FLI1: variants seen among roughly 807,000 people sequenced by gnomAD.
FLI1 encodes Fli-1 proto-oncogene, ETS transcription factor, also known as Friend leukemia integration 1 transcription factor.
In FLI1, 13 loss-of-function variants were observed where a neutral mutation model predicts 53.1. The observed-to-expected ratio is 0.24, with a 90% confidence interval of 0.16 to 0.39. FLI1 has a LOEUF of 0.39. Ranked by LOEUF, FLI1 falls within the 10% of genes least tolerant of loss-of-function variation. The pLI, the probability that FLI1 is intolerant of heterozygous loss-of-function variation, is 1.00. For missense variants in FLI1, 424 were observed against 600.5 expected, an observed-to-expected ratio of 0.71 and a Z score of 3.07; for synonymous variants, 244 against 236.7, an observed-to-expected ratio of 1.03 and a Z score of -0.28.
At chr11:128,728,308 C>T (rs1301752969) in intron 1 of FLI1, among the ~76,000 whole-genome samples, 1 of 152,246 alleles carries the variant, frequency 6.6e-6, no homozygotes, top group Non-Finnish European at 1.5e-5. Context: ...AACTATCTGG[C>T]AGAGGCTGTC....
At chr11:128,799,758 G>A (rs1942572452) in intron 5 of FLI1, among the ~76,000 whole-genome samples, 1 of 152,210 alleles carries the variant, frequency 6.6e-6, no homozygotes, top group Admixed American at 6.5e-5. Context: ...GCTGTGGGTT[G>A]GGAAGGTTCG....
intron 3 of FLI1, among the ~76,000 whole-genome samples, chr11:128,771,715 C>A (rs536082349): frequency 2.0e-5 from 3 of 152,204 alleles, no homozygotes; most frequent in Non-Finnish European, 4.4e-5. Context: ...TCTCCTCCCC[C>A]AGGAAGTCTT....
At chr11:128,792,644 C>T (rs1175789670) in intron 5 of FLI1, among the ~76,000 whole-genome samples, 2 of 150,440 alleles carry the variant, frequency 1.3e-5, no homozygotes, top group Admixed American at 1.3e-4. Context: ...GTATAGGAAG[C>T]ATCATTTGTG....
At chr11:128,707,893 T>TAAGAGC (rs1228935132) in intron 1 of FLI1, among the ~76,000 whole-genome samples, 1 of 152,252 alleles carries the variant, frequency 6.6e-6, no homozygotes, top group Non-Finnish European at 1.5e-5. Context: ...ACTGGTTTTG[T>TAAGAGC]AAGAGCTCTT....
chr11:128,799,020 A>ATATTATTAT (rs751738832), intron 5 of FLI1, among the ~76,000 whole-genome samples: 4 of 139,348 alleles, frequency 2.9e-5, no homozygotes, highest in Non-Finnish European at 6.2e-5. Context: ...TTATTTTATT[A>ATATTATTAT]TATTATTATT....
At chr11:128,766,967 A>G (rs965075531) in intron 2 of FLI1, among the ~76,000 whole-genome samples, 1 of 151,820 alleles carries the variant, frequency 6.6e-6, no homozygotes, top group African/African-American at 2.4e-5. Context: ...TGGCCTTCCC[A>G]TCGTCTCCTT....
intron 1 of FLI1, among the ~76,000 whole-genome samples, chr11:128,734,327 G>A (rs1487005022): frequency 6.6e-6 from 1 of 152,214 alleles, no homozygotes; most frequent in Non-Finnish European, 1.5e-5. Context: ...AAGCTAAGCA[G>A]GATCGAGCTG....
intron 5 of FLI1, among the ~76,000 whole-genome samples, chr11:128,801,222 T>C (rs550616956): frequency 2.6e-5 from 4 of 152,334 alleles, no homozygotes; most frequent in African/African-American, 9.6e-5. Flanking sequence ...CCCCACTCCA[T>C]GCGCTGACGG....
intron 2 of FLI1, chr11:128,764,842 C>T: frequency 1.3e-6 from 2 of 1,591,030 alleles, no homozygotes; most frequent in Non-Finnish European, 1.7e-6. Context: ...CCTTCTTTCT[C>T]TCCCTGAGCA....
chr11:128,698,881 A>G (rs1938203544), intron 1 of FLI1, among the ~76,000 whole-genome samples: 3 of 152,256 alleles, frequency 2.0e-5, no homozygotes, highest in African/African-American at 7.2e-5. Flanking sequence ...AAAGAAAAGA[A>G]GAAATTCCAA....
intron 1 of FLI1, among the ~76,000 whole-genome samples, chr11:128,725,374 G>A (rs1407119319): frequency 6.6e-6 from 1 of 152,184 alleles, no homozygotes; most frequent in Admixed American, 6.5e-5. Context: ...CAGGACATAA[G>A]GCGGCCGGCC....
intron 1 of FLI1, among the ~76,000 whole-genome samples, chr11:128,747,988 G>T (rs1482355219): frequency 6.6e-6 from 1 of 152,064 alleles, no homozygotes; most frequent in Non-Finnish European, 1.5e-5. Context: ...TGTGGTTATG[G>T]TCAAAAAAGT....
At chr11:128,721,053 C>T (rs1939232460) in intron 1 of FLI1, among the ~76,000 whole-genome samples, 1 of 152,202 alleles carries the variant, frequency 6.6e-6, no homozygotes, top group Non-Finnish European at 1.5e-5. Context: ...CTCAACTAAT[C>T]CAGAGAAGCT....
chr11:128,759,300 A>G (rs1487082233), intron 2 of FLI1, among the ~76,000 whole-genome samples: 1 of 152,256 alleles, frequency 6.6e-6, no homozygotes. Context: ...CCACAGCCAG[A>G]GGCTGACTTT....
At chr11:128,716,508 T>C (rs1007509381) in intron 1 of FLI1, among the ~76,000 whole-genome samples, 1 of 151,158 alleles carries the variant, frequency 6.6e-6, no homozygotes, top group Admixed American at 6.6e-5. Flanking sequence ...ATCGTGGGGG[T>C]TTTCTTGCCA....
At chr11:128,742,047 C>T (rs575608707) in intron 1 of FLI1, among the ~76,000 whole-genome samples, 150 of 151,882 alleles carry the variant, frequency 9.9e-4, no homozygotes, top group African/African-American at 3.5e-3. Flanking sequence ...TTAATTCAGA[C>T]TCTTTTCTCC....
rs990813930 is a variant in FLI1 at position 128,810,067 on chromosome 11, A to G, written c.830-392A>G. Reference sequence around the variant, plus strand: ...GCTGACAGGGAATTCCCTGGGGGACATGACCACTAATTAGAGATCAGTCAG... The same window carrying G: ...GCTGACAGGGAATTCCCTGGGGGACGTGACCACTAATTAGAGATCAGTCAG... On this transcript the variant is annotated intron_variant, in intron 8 of 8. Transcript: ENST00000527786. The surrounding 1 kb of genome is among the most constrained non-coding windows in gnomAD (Gnocchi z 6.6). Among the ~76,000 whole-genome samples the G allele has an allele frequency of 3.9e-5, 6 of 152,058 alleles. No individual in the cohort carries two copies. The highest frequency in any genetic ancestry group is 8.8e-5 in the Non-Finnish European group (6 of 67,994).
chr11:128,748,814 C>G (rs1940525163), intron 1 of FLI1, among the ~76,000 whole-genome samples: 1 of 152,062 alleles, frequency 6.6e-6, no homozygotes, highest in South Asian at 2.1e-4. Context: ...GGGCCAGAGG[C>G]AAGTAGCAAA....
intron 1 of FLI1, among the ~76,000 whole-genome samples, chr11:128,730,575 G>C (rs1178784715): frequency 6.6e-6 from 1 of 152,208 alleles, no homozygotes; most frequent in Non-Finnish European, 1.5e-5. Flanking sequence ...CTTTTTGAAG[G>C]CTTCCCTTTG....
Sources: gnomAD v4.1 joint callset for allele counts (sites outside exome capture counted in the v4.1 genomes callset) on GRCh38, gnomAD v4.1.1 for gene constraint, Gnocchi (gnomAD v3.1) non-coding constraint, MANE v1.5 for transcripts, NCBI Gene and HGNC (gene_info 2026-07-23, HGNC 2026-07-21) for gene names.